UCKL1: variants seen among roughly 807,000 people sequenced by gnomAD.
The protein encoded by UCKL1 is uridine-cytidine kinase 1 like 1, also known as uridine-cytidine kinase-like 1.
In UCKL1, 65 loss-of-function variants were observed where a neutral mutation model predicts 59.2. The observed-to-expected ratio is 1.10, with a 90% CI of 0.90 to 1.35. The LOEUF is 1.35. Ranked by LOEUF, UCKL1 falls within the 40% of genes most tolerant of loss-of-function variation. The probability of loss-of-function intolerance (pLI) is 0.00; values close to 1 mark genes in which losing one functional copy is unlikely to be tolerated. For missense variants in UCKL1, 703 were observed against 784.3 expected (o/e 0.90, Z 1.24); for synonymous variants, 410 against 323.1 (o/e 1.27, Z -2.88).
In UCKL1 at chr20:63,940,298, G is replaced by A. The variant is rs372947628; in HGVS notation, c.1419C>T (p.Asp473=). Reference sequence around the variant, plus strand: ...GCAAAAAGATCTTGTCCTCAGGCACGTCGTGGTCCTACCGAGTGTATTGGG... The same window carrying A: ...GCAAAAAGATCTTGTCCTCAGGCACATCGTGGTCCTACCGAGTGTATTGGG... The part of the protein sequence containing the change: ...MMAVRVLLDH[D]VPEDKIFLLS... Residue 473 remains aspartate, a synonymous_variant, in exon 14 of 15, where the codon GAC becomes GAT. Transcript: ENST00000354216. 3 of 1,612,620 alleles carry A rather than the reference G, an allele frequency of 1.9e-6. No individual in the cohort carries two copies. Among genetic ancestry groups the A allele is most frequent in the Non-Finnish European group, 2.5e-6 (3 of 1,179,968 alleles).
At chr20:63,947,290 C>A (rs1386466895) in intron 1 of UCKL1, among the ~76,000 whole-genome samples, 2 of 152,222 alleles carry the variant, frequency 1.3e-5, no homozygotes, top group East Asian at 1.9e-4. Flanking sequence ...CAGGCTCTGT[C>A]CCCTAGGGGA....
intron 1 of UCKL1, among the ~76,000 whole-genome samples, chr20:63,950,107 T>G (rs896448532): frequency 3.3e-5 from 5 of 152,222 alleles, no homozygotes; most frequent in African/African-American, 1.2e-4. Flanking sequence ...GTGGTGCCCA[T>G]GCAGCGGAAC....
intron 8 of UCKL1, 66 bp downstream of exon 8, chr20:63,943,587 G>T (rs1168617645): frequency 6.2e-7 from 1 of 1,609,672 alleles, no homozygotes; most frequent in African/African-American, 1.3e-5. Context: ...TCACAGCCCA[G>T]ACCCCAGAGC....
intron 12 of UCKL1, 25 bp downstream of exon 12, chr20:63,940,569 C>T (rs1186970605): frequency 2.5e-6 from 4 of 1,605,702 alleles, no homozygotes; most frequent in Non-Finnish European, 3.4e-6. Context: ...CCCCCGGGCT[C>T]ATCACCCCGG....
intron 1 of UCKL1, chr20:63,953,690 C>CA (rs748147433): frequency 2.3e-4 from 34 of 147,632 alleles, no homozygotes; most frequent in South Asian, 6.4e-4. Flanking sequence ...ACTCTATCTC[C>CA]AAAAAAAAAA....
chr20:63,954,403 G>A (rs1231570683), intron 1 of UCKL1: 1 of 152,474 alleles, frequency 6.6e-6, no homozygotes, highest in Non-Finnish European at 1.5e-5. Context: ...AGGCAAGATG[G>A]ACAGACTGAT....
At chr20:63,945,573 C>T in intron 5 of UCKL1, 78 bp downstream of exon 5, 2 of 1,472,094 alleles carry the variant, frequency 1.4e-6, no homozygotes, top group Non-Finnish European at 9.4e-7. Flanking sequence ...GGGGACAGGG[C>T]AGGAGGACGC....
At chr20:63,946,404 G>A (rs373917394) in intron 2 of UCKL1, 49 bp downstream of exon 2, 1 of 1,512,144 alleles carries the variant, frequency 6.6e-7, no homozygotes, top group Non-Finnish European at 8.9e-7. Context: ...CTGGAGGGGA[G>A]CCGGAGGCAG....
chr20:63,956,292 C>T lies in UCKL1; in HGVS notation c.81G>A (p.Gln27=). 3.2e-6 allele frequency: 5 copies of T among 1,562,060 alleles called. No homozygotes were observed. The highest frequency in any genetic ancestry group is 4.3e-6 in the Non-Finnish European group (5 of 1,158,564). Residue 27 remains glutamine (Q), a synonymous_variant, in exon 1 of 15, where the codon CAG becomes CAA. Transcript: ENST00000354216. ...CGCACGCGGTCTCGCTTTTCTCAGCCTGCCGGCCTGGTGTGTCTCGGGCCG... is the reference window on the plus strand; with the variant it reads ...CGCACGCGGTCTCGCTTTTCTCAGCTTGCCGGCCTGGTGTGTCTCGGGCCG... ...PPTARDTPGR[Q]AEKSETACED...
At chr20:63,945,395 A>C (rs948256226) in intron 5 of UCKL1, among the ~76,000 whole-genome samples, 3 of 152,234 alleles carry the variant, frequency 2.0e-5, no homozygotes, top group Admixed American at 1.3e-4. Context: ...GAGAACGCCA[A>C]GGACACTCCA....
rs749144606 is a variant in UCKL1 at position 63,946,194 on chromosome 20, C to T, written c.378G>A (p.Trp126Ter). 6.2e-6 allele frequency: 10 copies of T among 1,612,122 alleles called. No individual in the cohort carries two copies. In the Admixed American group the frequency reaches 1.5e-4, roughly 24 times the overall value. Residue 126 changes from tryptophan (W) to a stop codon, truncating the protein, a stop_gained, in exon 3 of 15, where the codon TGG becomes TGA. Transcript: ENST00000354216. LOFTEE classifies it high-confidence loss of function. The part of the protein sequence containing the change: ...RMIIEALDVP[W>*]VVLLSMDSFY... ...AGGAGTCCATGGACAGCAAGACCACCCAGGGCACATCCAGGGCCTCGATGA... is the reference window on the plus strand; with the variant it reads ...AGGAGTCCATGGACAGCAAGACCACTCAGGGCACATCCAGGGCCTCGATGA...
intron 1 of UCKL1, chr20:63,955,085 A>G (rs2058347123): frequency 6.6e-6 from 1 of 152,152 alleles, no homozygotes; most frequent in Non-Finnish European, 1.5e-5. Context: ...TCTACTAAAA[A>G]TACAAAAAAA....
intron 11 of UCKL1, 22 bp downstream of exon 11, chr20:63,940,772 C>T: frequency 6.3e-7 from 1 of 1,598,996 alleles, no homozygotes; most frequent in Non-Finnish European, 8.5e-7. Flanking sequence ...TGTCCCGCGC[C>T]CAGGTGTGCC....
chr20:63,944,730 A>G lies in UCKL1; in HGVS notation c.659T>C (p.Leu220Pro), dbSNP rs1214077238. The G allele has an allele frequency of 6.2e-7, 1 of 1,612,406 alleles. No individual in the cohort carries two copies. Residue 220 changes from leucine (L) to proline (P), a missense_variant, in exon 6 of 15, where the codon CTG becomes CCG. Physicochemically the swap from Leu to Pro is moderately conservative, Grantham distance 98. Around this residue, in one of 4 missense-constraint regions of UCKL1, gnomAD observed 398 missense variants for 373.0 expected, o/e 1.07. Transcript: ENST00000354216. ...AFADKTLLEL[L>P]DMKIFVDTDS... is the part of the protein sequence containing the mutation. ...TGTGTCCACAAAGATCTTCATGTCC[A>G]GGAGCTGGTGGAGACAGCGGGCCAG...
At chr20:63,943,466 G>A (rs755628269) in intron 8 of UCKL1, among the ~76,000 whole-genome samples, 187 bp downstream of exon 8, 5 of 152,202 alleles carry the variant, frequency 3.3e-5, no homozygotes, top group Non-Finnish European at 7.4e-5. Context: ...GCTACTTCAC[G>A]TCTCTGTGCC....
chr20:63,944,842 C>G, intron 5 of UCKL1, 108 bp from the exon 6 acceptor site: 1 of 1,381,694 alleles, frequency 7.2e-7, no homozygotes, highest in Non-Finnish European at 9.8e-7. Context: ...CTGGCCAGAG[C>G]CACTTCCCCA....
chr20:63,944,086 G>A (rs1459983451), intron 7 of UCKL1, among the ~76,000 whole-genome samples: 3 of 152,224 alleles, frequency 2.0e-5, no homozygotes, highest in African/African-American at 7.2e-5. Flanking sequence ...TCCTGGGCCA[G>A]CAGGTCATGC....
intron 8 of UCKL1, 173 bp from the exon 9 acceptor site, chr20:63,941,381 A>G: frequency 9.9e-7 from 1 of 1,010,346 alleles, no homozygotes; most frequent in Non-Finnish European, 1.4e-6. Flanking sequence ...ACGTCGCCCT[A>G]CCTGAGCTGT....
Position 63,946,237 on chromosome 20 carries a change from G to A in UCKL1, c.335C>T (p.Thr112Ile), listed in dbSNP as rs773858140. 4 of 1,605,274 alleles carry A rather than the reference G, an allele frequency of 2.5e-6. No individual in the cohort carries two copies. Among genetic ancestry groups the A allele is most frequent in the Non-Finnish European group, 1.7e-6 (2 of 1,176,552 alleles). ...GLGGGSASGK[T>I]TVARMIIEAL... Reference sequence around the variant, plus strand: ...CTCGATGATCATTCTGGCCACAGTGGTCTTCCCAGAGGCACTGCCGCCTCC... The same window carrying A: ...CTCGATGATCATTCTGGCCACAGTGATCTTCCCAGAGGCACTGCCGCCTCC... Residue 112 changes from threonine to isoleucine, a missense_variant, in exon 3 of 15, where the codon ACC (threonine) becomes ATC (isoleucine). This residue lies in a region of UCKL1 where 398 missense variants were observed against 373.0 expected (regional missense o/e 1.07). Coordinates refer to ENST00000354216, the MANE Select transcript of UCKL1 (RefSeq NM_017859.4).
Sources: gnomAD v4.1 joint callset for allele counts (sites outside exome capture counted in the v4.1 genomes callset) on GRCh38, gnomAD v4.1.1 for gene constraint, gnomAD v4.1.1 regional missense constraint, MANE v1.5 for transcripts, NCBI Gene and HGNC (gene_info 2026-07-23, HGNC 2026-07-21) for gene names.